The following C2orf66 variants were observed in gnomAD, a reference collection of about 807,000 sequenced individuals.
C2orf66 encodes chromosome 2 open reading frame 66.
Under a neutral mutation model 7.0 loss-of-function variants are expected in C2orf66, and 6 were observed. That is an observed-to-expected ratio of 0.86 (90% CI 0.47 to 1.69). C2orf66 has a LOEUF of 1.69. Among genes scored for constraint, C2orf66 ranks in the 40% most tolerant of loss-of-function variants. The pLI is 0.01. For missense variants in C2orf66, 107 were observed against 112.0 expected, an observed-to-expected ratio of 0.96 and a Z score of 0.20; for synonymous variants, 38 against 43.8, an observed-to-expected ratio of 0.87 and a Z score of 0.52.
chr2:196,829,981 G>A, the C2orf66 span, among the ~76,000 whole-genome samples: 4 of 152,118 alleles, frequency 2.6e-5, no homozygotes, highest in Non-Finnish European at 4.4e-5. Context: ...CAGATAATTC[G>A]TAAACGTTCA....
In C2orf66 at chr2:196,809,109, T is replaced by C. The variant is rs982234941; in HGVS notation, c.123+105A>G. 4.0e-6 allele frequency: 5 copies of C among 1,243,616 alleles called. No individual in the cohort carries two copies. The African/African-American group carries it at 4.5e-5, about 11-fold the overall frequency. 77.0% of individuals were successfully genotyped at this position (1,243,616 alleles called of 1,614,324 possible). On this transcript the variant is annotated intron_variant, in intron 1 of 2. Coordinates refer to ENST00000342506, the MANE Select transcript of C2orf66 (RefSeq NM_213608.3). ...CCTGTTGGAGAATTTTCTCAACCCT[T>C]GGTAGCCCCCTTTCCACTACGTTCT...
the C2orf66 span, among the ~76,000 whole-genome samples, chr2:196,819,780 T>G: frequency 2.0e-5 from 3 of 152,236 alleles, no homozygotes; most frequent in Non-Finnish European, 4.4e-5. Context: ...TGAACTTAGA[T>G]TCTTACGATA....
chr2:196,806,761 C>T (rs1462108280), intron 2 of C2orf66, among the ~76,000 whole-genome samples: 1 of 151,748 alleles, frequency 6.6e-6, no homozygotes, highest in East Asian at 1.9e-4. Context: ...GAGGCTGAGG[C>T]AGAAGAATCC....
chr2:196,823,170 C>T, the C2orf66 span, among the ~76,000 whole-genome samples: 5 of 152,056 alleles, frequency 3.3e-5, no homozygotes, highest in African/African-American at 9.6e-5. Flanking sequence ...AAAGGGTGGC[C>T]GTAAAGAGCT....
At chr2:196,822,034 C>T in the C2orf66 span, among the ~76,000 whole-genome samples, 1 of 140,006 alleles carries the variant, frequency 7.1e-6, no homozygotes, top group African/African-American at 2.7e-5. Flanking sequence ...CCTGCCTCAG[C>T]TTCCCGAGTG....
At chr2:196,830,712 ATTCTT>A in the C2orf66 span, among the ~76,000 whole-genome samples, 1,532 of 152,260 alleles carry the variant, frequency 0.01, 22 homozygotes, top group African/African-American at 0.035. Context: ...CACTGTTTTA[ATTCTT>A]TTCTTTAATT....
chr2:196,820,093 C>A, the C2orf66 span, among the ~76,000 whole-genome samples: 1 of 152,114 alleles, frequency 6.6e-6, no homozygotes, highest in South Asian at 2.1e-4. Context: ...GATGGGGAAG[C>A]CCAGTCAATA....
intron 1 of C2orf66, 23 bp downstream of exon 1, chr2:196,809,191 C>T (rs192955693): frequency 6.2e-7 from 1 of 1,608,248 alleles, no homozygotes; most frequent in East Asian, 2.2e-5. Context: ...ATCCTGAAAC[C>T]CAGGCCCCAA....
the C2orf66 span, among the ~76,000 whole-genome samples, chr2:196,825,839 G>A: frequency 2.6e-5 from 4 of 152,202 alleles, no homozygotes; most frequent in African/African-American, 9.6e-5. Flanking sequence ...CAGTCCATAG[G>A]AGATACCCGA....
At position 196,807,437 on chromosome 2, in the gene C2orf66, A is replaced by G; in HGVS notation, c.*6T>C. On this transcript the variant is annotated 3_prime_UTR_variant, in exon 2 of 3. Coordinates refer to ENST00000342506, the MANE Select transcript of C2orf66 (RefSeq NM_213608.3). Reference sequence around the variant, plus strand: ...GCCAACTTTTACCTGAGCTCAGAAGAAACTTTCAGCCTTTGAGATAATTGT... The same window carrying G: ...GCCAACTTTTACCTGAGCTCAGAAGGAACTTTCAGCCTTTGAGATAATTGT... 6.2e-7 allele frequency: 1 copy of G among 1,603,408 alleles called. No homozygotes were observed. The highest frequency in any genetic ancestry group is 8.5e-7 in the Non-Finnish European group (1 of 1,176,522).
chr2:196,813,595 A>G (rs937390171), upstream of C2orf66, among the ~76,000 whole-genome samples: 9 of 152,246 alleles, frequency 5.9e-5, no homozygotes, highest in African/African-American at 2.2e-4. Flanking sequence ...AATTACACTA[A>G]AGAGCTTCTG....
chr2:196,822,691 G>A, the C2orf66 span, among the ~76,000 whole-genome samples: 5 of 152,060 alleles, frequency 3.3e-5, no homozygotes, highest in Non-Finnish European at 7.4e-5. Context: ...GTGGAGACGG[G>A]ATGGGGAAAA....
the C2orf66 span, among the ~76,000 whole-genome samples, chr2:196,820,396 C>A: frequency 1.6e-4 from 25 of 152,288 alleles, no homozygotes; most frequent in African/African-American, 5.5e-4. Context: ...CTTGGGATTT[C>A]TCTCCTCTCC....
At chr2:196,830,641 C>T in the C2orf66 span, among the ~76,000 whole-genome samples, 10 of 152,138 alleles carry the variant, frequency 6.6e-5, no homozygotes, top group Non-Finnish European at 1.3e-4. Context: ...CTTGCGTAAG[C>T]GTGAACATGC....
the C2orf66 span, among the ~76,000 whole-genome samples, chr2:196,824,356 G>T: frequency 6.6e-6 from 1 of 152,024 alleles, no homozygotes; most frequent in Non-Finnish European, 1.5e-5. Context: ...TCCATCTGCT[G>T]AAAGGACAAA....
At chr2:196,825,565 T>C in the C2orf66 span, among the ~76,000 whole-genome samples, 5 of 152,294 alleles carry the variant, frequency 3.3e-5, no homozygotes, top group South Asian at 8.3e-4. Flanking sequence ...TAAAACTACA[T>C]TTTTTACTTG....
the C2orf66 span, among the ~76,000 whole-genome samples, chr2:196,829,092 C>T: frequency 2.6e-5 from 4 of 152,054 alleles, no homozygotes; most frequent in East Asian, 1.9e-4. Context: ...CACACACGCA[C>T]ATTTTTTTTC....
the C2orf66 span, among the ~76,000 whole-genome samples, chr2:196,826,818 G>T: frequency 1.3e-5 from 2 of 152,042 alleles, no homozygotes; most frequent in African/African-American, 4.8e-5. Context: ...AGATCACGAG[G>T]TCAGGAGATC....
chr2:196,825,391 T>C, the C2orf66 span, among the ~76,000 whole-genome samples: 1 of 152,132 alleles, frequency 6.6e-6, no homozygotes, highest in East Asian at 1.9e-4. Context: ...ATGACTATAG[T>C]TAATAATACT....
Sources: gnomAD v4.1 joint callset for allele counts (sites outside exome capture counted in the v4.1 genomes callset) on GRCh38, gnomAD v4.1.1 for gene constraint, MANE v1.5 for transcripts, NCBI Gene and HGNC (gene_info 2026-07-23, HGNC 2026-07-21) for gene names.